The following FBXO11 variants were observed in gnomAD, a reference collection of about 807,000 sequenced individuals.
FBXO11 encodes F-box only protein 11.
In FBXO11, 13 loss-of-function variants were observed where a neutral mutation model predicts 117.0. That is an observed-to-expected ratio of 0.11 (90% CI 0.07 to 0.18). The LOEUF (loss-of-function observed/expected upper bound fraction) is 0.18, where lower values mean the gene tolerates loss of function less well. FBXO11 is among the 10% of genes least tolerant of loss of function. The probability of loss-of-function intolerance (pLI) is 1.00; values close to 1 mark genes in which losing one functional copy is unlikely to be tolerated. For missense variants in FBXO11, 767 were observed against 1,164.4 expected, an observed-to-expected ratio of 0.66 and a Z score of 4.97; for synonymous variants, 490 against 380.5, an observed-to-expected ratio of 1.29 and a Z score of -3.35.
intron 22 of FBXO11, 21 bp downstream of exon 22, chr2:47,808,308 T>C (rs1177912290): frequency 6.2e-7 from 1 of 1,612,388 alleles, no homozygotes; most frequent in Non-Finnish European, 8.5e-7. Context: ...GGGTAATATA[T>C]CAAGCAAGTG....
intron 1 of FBXO11, among the ~76,000 whole-genome samples, chr2:47,900,655 T>C (rs1000299434): frequency 7.9e-5 from 8 of 100,806 alleles, no homozygotes; most frequent in East Asian, 4.7e-4. Context: ...TACACACGTA[T>C]ACACACACGT....
intron 20 of FBXO11, 58 bp downstream of exon 20, chr2:47,809,542 C>T: frequency 7.9e-7 from 1 of 1,267,410 alleles, no homozygotes; most frequent in South Asian, 1.3e-5. Flanking sequence ...AAAACGGCTT[C>T]TGATTATCTT....
At chr2:47,847,301 T>C (rs1313019289) in intron 1 of FBXO11, among the ~76,000 whole-genome samples, 4 of 152,098 alleles carry the variant, frequency 2.6e-5, no homozygotes, top group African/African-American at 9.7e-5. Flanking sequence ...AGCCTACTGT[T>C]CCTAGGCTGT....
intron 1 of FBXO11, among the ~76,000 whole-genome samples, chr2:47,898,751 TAGAAC>T (rs1418246061): frequency 6.6e-6 from 1 of 152,290 alleles, no homozygotes; most frequent in African/African-American, 2.4e-5. Context: ...ACAGATGGTA[TAGAAC>T]AGGGGACAGA....
intron 1 of FBXO11, among the ~76,000 whole-genome samples, chr2:47,842,267 G>A (rs1460317677): frequency 2.6e-5 from 4 of 152,134 alleles, no homozygotes; most frequent in Admixed American, 2.0e-4. Flanking sequence ...GCCCGCCTCG[G>A]CCTCCCAAAG....
intron 1 of FBXO11, among the ~76,000 whole-genome samples, chr2:47,881,104 T>A (rs1558468952): frequency 6.6e-6 from 1 of 152,032 alleles, no homozygotes; most frequent in Non-Finnish European, 1.5e-5. Context: ...ATACAAAAAT[T>A]AGCCGGGCTT....
chr2:47,863,039 G>C (rs1674902045), intron 1 of FBXO11, among the ~76,000 whole-genome samples: 2 of 144,488 alleles, frequency 1.4e-5, no homozygotes, highest in African/African-American at 5.2e-5. Flanking sequence ...TGGGTGACAA[G>C]CGTAAAACTG....
intron 17 of FBXO11, among the ~76,000 whole-genome samples, 186 bp downstream of exon 17, chr2:47,813,605 T>A (rs749607416): frequency 6.6e-6 from 1 of 151,602 alleles, no homozygotes; most frequent in Non-Finnish European, 1.5e-5. Context: ...CTAATTTTTG[T>A]AATATTTAGT....
chr2:47,906,102 T>C lies in FBXO11; in HGVS notation c.-382A>G, dbSNP rs1458203431. 29 of 181,592 alleles carry C rather than the reference T, an allele frequency of 1.6e-4. No individual in the cohort carries two copies. The highest frequency in any genetic ancestry group is 5.3e-4 in the African/African-American group (21 of 39,514). 11.2% of individuals were successfully genotyped at this position (181,592 alleles called of 1,614,324 possible). ...CGGCGGCGGCGGCTGAAGAGACAGATCCCGGTCCCGCCGACTCGCGAGCGG... is the reference window on the plus strand; with the variant it reads ...CGGCGGCGGCGGCTGAAGAGACAGACCCCGGTCCCGCCGACTCGCGAGCGG... On this transcript the variant is annotated 5_prime_UTR_variant, in exon 1 of 23. Coordinates refer to ENST00000403359, the MANE Select transcript of FBXO11 (RefSeq NM_001190274.2).
chr2:47,827,798 G>A (rs996294935), intron 11 of FBXO11, among the ~76,000 whole-genome samples: 1 of 151,630 alleles, frequency 6.6e-6, no homozygotes, highest in Non-Finnish European at 1.5e-5. Flanking sequence ...CCAGGTTCAA[G>A]CAATTTTCGT....
intron 1 of FBXO11, among the ~76,000 whole-genome samples, chr2:47,897,845 ATAAC>A (rs1431635436): frequency 6.6e-6 from 1 of 152,208 alleles, no homozygotes; most frequent in Non-Finnish European, 1.5e-5. Flanking sequence ...TATCAGAAAA[ATAAC>A]TAAAAGTACA....
At chr2:47,808,951 C>T in intron 21 of FBXO11, 1 of 418,994 alleles carries the variant, frequency 2.4e-6, no homozygotes, top group Non-Finnish European at 4.2e-6. Flanking sequence ...CCCACTTCAG[C>T]CTCCCAAAGT....
chr2:47,905,787 G>C lies in FBXO11; in HGVS notation c.-67C>G, dbSNP rs562654629. The C allele has an allele frequency of 3.2e-5, 40 of 1,258,804 alleles. No homozygotes were observed. Among genetic ancestry groups the C allele is most frequent in the Non-Finnish European group, 4.1e-5 (40 of 972,362 alleles). The allele number at this position is 1,258,804 out of a possible 1,614,324, so 78.0% of individuals were successfully genotyped here. A position where few individuals can be genotyped will look rare whatever the true frequency, so the allele number is the denominator to read the frequency against. On this transcript the variant is annotated 5_prime_UTR_variant, in exon 1 of 23. Transcript: ENST00000403359. The stretch of plus-strand genomic sequence containing the variant: ...ACGCACACGCACAGCGAGCTTCGGG[G>C]CAGGAGAAAGGGGTGGGGAGAGTGG...
chr2:47,880,983 G>C (rs1676385676), intron 1 of FBXO11, among the ~76,000 whole-genome samples: 1 of 152,144 alleles, frequency 6.6e-6, no homozygotes, highest in South Asian at 2.1e-4. Flanking sequence ...GGCCGGGCAT[G>C]GTGACTCACA....
intron 13 of FBXO11, 42 bp downstream of exon 13, chr2:47,822,176 A>G: frequency 7.6e-7 from 1 of 1,313,570 alleles, no homozygotes; most frequent in Non-Finnish European, 1.1e-6. Flanking sequence ...TCAAGAAGAC[A>G]TACAAATCTA....
chr2:47,902,266 C>G (rs907209168), intron 1 of FBXO11, among the ~76,000 whole-genome samples: 3 of 152,116 alleles, frequency 2.0e-5, no homozygotes, highest in African/African-American at 7.2e-5. Flanking sequence ...ACATGAAATC[C>G]CAATCTCAGG....
At chr2:47,886,648 TTC>T (rs1676875027) in intron 1 of FBXO11, among the ~76,000 whole-genome samples, 1 of 152,166 alleles carries the variant, frequency 6.6e-6, no homozygotes, top group Admixed American at 6.5e-5. Context: ...TTGTGGTACA[TTC>T]ATGTAAGGGG....
rs186217456 is a variant in FBXO11 at position 47,876,875 on chromosome 2, T to C, written c.232+28614A>G. 1.9e-3 allele frequency among the ~76,000 whole-genome samples: 287 copies of C among 152,302 alleles called. 1 individual carries two copies. The highest frequency in any genetic ancestry group is 6.5e-3 in the African/African-American group (270 of 41,562). On this transcript the variant is annotated intron_variant, in intron 1 of 22. Transcript: ENST00000403359. ...TGTCTAATCTCTCCTAAAATTTCTT[T>C]TGAATATTGAACTTAGGTTTGAATC...
At chr2:47,894,094 G>T (rs982301280) in intron 1 of FBXO11, among the ~76,000 whole-genome samples, 1 of 152,096 alleles carries the variant, frequency 6.6e-6, no homozygotes, top group Admixed American at 6.5e-5. Context: ...CATTCTCAGG[G>T]GATACTTGTA....
Sources: gnomAD v4.1 joint callset for allele counts (sites outside exome capture counted in the v4.1 genomes callset) on GRCh38, gnomAD v4.1.1 for gene constraint, MANE v1.5 for transcripts, NCBI Gene and HGNC (gene_info 2026-07-23, HGNC 2026-07-21) for gene names.